The following AFG1L variants were observed in gnomAD, a reference collection of about 807,000 sequenced individuals.
The protein encoded by AFG1L is AFG1-like ATPase.
A neutral mutation model predicts 62.2 loss-of-function variants in AFG1L; 53 were observed. The observed-to-expected ratio is 0.85, with a 90% CI of 0.68 to 1.07. The LOEUF is 1.07. Among genes scored for constraint, AFG1L ranks in the 50% least tolerant of loss-of-function variants. The probability of loss-of-function intolerance (pLI) is 0.00; values close to 1 mark genes in which losing one functional copy is unlikely to be tolerated. For synonymous variants in AFG1L, 228 were observed against 210.3 expected, an observed-to-expected ratio of 1.08 and a Z score of -0.73; for missense variants, 555 against 590.5, an observed-to-expected ratio of 0.94 and a Z score of 0.62.
intron 10 of AFG1L, among the ~76,000 whole-genome samples, chr6:108,507,060 C>T (rs1774448692): frequency 6.6e-6 from 1 of 152,100 alleles, no homozygotes; most frequent in Non-Finnish European, 1.5e-5. Context: ...AAATACATTT[C>T]ATTCTTCTTT....
At chr6:108,412,166 T>C (rs575528625) in intron 7 of AFG1L, among the ~76,000 whole-genome samples, 205 of 152,268 alleles carry the variant, frequency 1.3e-3, no homozygotes, top group African/African-American at 4.7e-3. Flanking sequence ...AGGGTATCAG[T>C]GATTGAAGAT....
At chr6:108,394,337 T>A (rs1781198932) in intron 6 of AFG1L, among the ~76,000 whole-genome samples, 1 of 151,974 alleles carries the variant, frequency 6.6e-6, no homozygotes, top group African/African-American at 2.4e-5. Flanking sequence ...TTAGTAGAGA[T>A]GGGGTTTCAC....
chr6:108,449,550 G>A (rs547643413), intron 8 of AFG1L, among the ~76,000 whole-genome samples: 2 of 152,210 alleles, frequency 1.3e-5, no homozygotes, highest in South Asian at 4.2e-4. Context: ...CTGAGGTTAT[G>A]TTAACATTTG....
In AFG1L at chr6:108,519,734, G is replaced by C; in HGVS notation, c.1241G>C (p.Ser414Thr). The C allele has an allele frequency of 6.2e-7, 1 of 1,613,348 alleles. No homozygotes were observed. The highest frequency in any genetic ancestry group is 8.5e-7 in the Non-Finnish European group (1 of 1,179,622). ...IICSASTPIS[S>T]LFLHQHHDSE... ...TGCTCTGCGTCGACTCCTATATCAA[G>C]CTTATTTTTGCATCAACATCATGAC... The change falls in exon 12 of 13, where the codon AGC becomes ACC. Residue 414 changes from serine to threonine, a missense_variant. Ser to Thr is a moderately conservative substitution (Grantham distance 58). Coordinates refer to ENST00000368977, the MANE Select transcript of AFG1L (RefSeq NM_145315.5).
intron 11 of AFG1L, among the ~76,000 whole-genome samples, chr6:108,511,374 A>G (rs888433337): frequency 1.5e-4 from 23 of 152,186 alleles, no homozygotes; most frequent in African/African-American, 4.8e-4. Flanking sequence ...CTGCCCATTC[A>G]TCAAAGGCAG....
Position 108,523,850 on chromosome 6 carries a change from A to ATTT in AFG1L, c.*1428_*1430dup, listed in dbSNP as rs978670958. The ATTT allele has an allele frequency of 3.0e-4, 46 of 152,160 alleles. No homozygotes were observed. Among genetic ancestry groups the ATTT allele is most frequent in the Admixed American group, 2.9e-3 (45 of 15,278 alleles). The allele number at this position is 152,160 out of a possible 1,614,324, so 9.4% of individuals were successfully genotyped here. ...TGTAAATAAAATGTGGTTTAAAGAT[A>ATTT]TTTTTATTGAAGTGAAACACAGTAA... On this transcript the variant is annotated 3_prime_UTR_variant, in exon 13 of 13. Coordinates refer to ENST00000368977, the MANE Select transcript of AFG1L (RefSeq NM_145315.5).
chr6:108,420,102 T>G (rs1188792378), intron 7 of AFG1L, among the ~76,000 whole-genome samples: 2 of 152,196 alleles, frequency 1.3e-5, no homozygotes, highest in Non-Finnish European at 2.9e-5. Context: ...TCAGTGTCAG[T>G]CAGCCTCTAT....
chr6:108,479,480 A>G lies in AFG1L; in HGVS notation c.1062+2188A>G, dbSNP rs893086887. Among the ~76,000 whole-genome samples the G allele has an allele frequency of 2.0e-5, 3 of 152,162 alleles. No individual in the cohort carries two copies. The South Asian group carries it at 6.2e-4, about 32-fold the overall frequency. Reference sequence around the variant, plus strand: ...ATGACCTGCAAAAGGCATTGACGTGATAAGTGGGGTTAGGTCGCAGTGTTA... The same window carrying G: ...ATGACCTGCAAAAGGCATTGACGTGGTAAGTGGGGTTAGGTCGCAGTGTTA... On this transcript the variant is annotated intron_variant, in intron 10 of 12. Transcript: ENST00000368977.
At chr6:108,406,330 A>G (rs1444649131) in intron 7 of AFG1L, among the ~76,000 whole-genome samples, 1 of 131,644 alleles carries the variant, frequency 7.6e-6, no homozygotes, top group Non-Finnish European at 1.6e-5. Flanking sequence ...TTTTTTTTTG[A>G]TAATAACCAT....
At chr6:108,325,318 C>G (rs1777994488) in intron 2 of AFG1L, among the ~76,000 whole-genome samples, 2 of 152,100 alleles carry the variant, frequency 1.3e-5, no homozygotes, top group South Asian at 4.1e-4. Flanking sequence ...GGATGCTTCT[C>G]TTGGGAACCC....
intron 2 of AFG1L, among the ~76,000 whole-genome samples, chr6:108,338,494 G>GTTCTTTA (rs1778554717): frequency 6.6e-6 from 1 of 151,974 alleles, no homozygotes; most frequent in African/African-American, 2.4e-5. Context: ...TTTTTTTGTT[G>GTTCTTTA]TTTTTTATTT....
chr6:108,323,799 C>T (rs1440946953), intron 1 of AFG1L, 26 bp from the exon 2 acceptor site: 1 of 1,561,346 alleles, frequency 6.4e-7, no homozygotes, highest in Admixed American at 1.7e-5. Flanking sequence ...TTAAGAAAGT[C>T]TAAAATTTTA....
intron 7 of AFG1L, among the ~76,000 whole-genome samples, chr6:108,416,413 C>T (rs1427638555): frequency 6.6e-6 from 1 of 152,226 alleles, no homozygotes; most frequent in Admixed American, 6.5e-5. Flanking sequence ...ACACAGCCAT[C>T]CCATTACTGG....
At chr6:108,356,847 A>T in intron 5 of AFG1L, 27 bp downstream of exon 5, 13 of 1,578,150 alleles carry the variant, frequency 8.2e-6, no homozygotes, top group African/African-American at 1.4e-5. Flanking sequence ...TCATAGATAT[A>T]GAATGGTATA....
chr6:108,366,367 A>G, intron 6 of AFG1L, 35 bp downstream of exon 6: 1 of 1,290,614 alleles, frequency 7.7e-7, no homozygotes. Flanking sequence ...TCATCCAATT[A>G]GGTGGAAACT....
chr6:108,394,115 C>T (rs1238846570), intron 6 of AFG1L, among the ~76,000 whole-genome samples: 30 of 143,490 alleles, frequency 2.1e-4, no homozygotes, highest in Non-Finnish European at 4.6e-5. Context: ...TTCCTTTCCC[C>T]CTCCCCTCCC....
intron 3 of AFG1L, among the ~76,000 whole-genome samples, chr6:108,352,631 C>G (rs1255386149): frequency 6.6e-6 from 1 of 152,150 alleles, no homozygotes; most frequent in Non-Finnish European, 1.5e-5. Flanking sequence ...GTGGCGTGAT[C>G]TCAGCACACT....
In AFG1L at chr6:108,354,185, T is replaced by A. The variant is rs1025779747; in HGVS notation, c.416-1469T>A. Among the ~76,000 whole-genome samples the A allele has an allele frequency of 2.0e-5, 3 of 152,316 alleles. No individual in the cohort carries two copies. In the East Asian group the frequency reaches 5.8e-4, roughly 29 times the overall value. Reference sequence around the variant, plus strand: ...CTTTCTGAGAGGGAATAAGGCATTTTATGCTACCTGCATTAAATGCTCAGG... The same window carrying A: ...CTTTCTGAGAGGGAATAAGGCATTTAATGCTACCTGCATTAAATGCTCAGG... On this transcript the variant is annotated intron_variant, in intron 3 of 12. Transcript: ENST00000368977.
Position 108,366,333 on chromosome 6 carries a change from G to A in AFG1L, c.748+1G>A. ...GCAACATCCAACAGGCCACCGGAAG[G>A]TAAAAACAAACATTGTGCTAGTCTC... On this transcript the variant is annotated splice_donor_variant, in intron 6 of 12. Transcript: ENST00000368977. LOFTEE classifies it high-confidence loss of function. 1.2e-6 allele frequency: 2 copies of A among 1,605,162 alleles called. No homozygotes were observed. The highest frequency in any genetic ancestry group is 1.7e-6 in the Non-Finnish European group (2 of 1,172,816).
Sources: allele counts gnomAD v4.1 joint callset (sites outside exome capture counted in the v4.1 genomes callset), GRCh38; gene constraint gnomAD v4.1.1; transcripts MANE v1.5; gene names NCBI Gene and HGNC (gene_info 2026-07-23, HGNC 2026-07-21).